NDST4: variants seen among roughly 807,000 people sequenced by gnomAD.
The protein encoded by NDST4 is N-deacetylase and N-sulfotransferase 4.
Under a neutral mutation model 100.8 loss-of-function variants are expected in NDST4, and 63 were observed. The ratio of observed to expected loss-of-function variants is 0.62; its 90% CI spans 0.51 to 0.77. NDST4 has a LOEUF of 0.77. Among genes scored for constraint, NDST4 ranks in the 30% least tolerant of loss-of-function variants. The pLI is 0.00. For missense variants in NDST4, 943 were observed against 1,018.4 expected (o/e 0.93, Z 1.01); for synonymous variants, 377 against 361.8 (o/e 1.04, Z -0.48).
At chr4:114,848,395 T>A in intron 8 of NDST4, 57 bp from the exon 9 acceptor site, 1 of 1,320,252 alleles carries the variant, frequency 7.6e-7, no homozygotes. Flanking sequence ...AAATATTATT[T>A]TAGCATATTT....
rs758653144 is a variant in NDST4, at chr4:115,076,655, A to G, written c.382T>C (p.Tyr128His). 1 of 1,613,854 alleles carries G rather than the reference A, an allele frequency of 6.2e-7. No homozygotes were observed. The highest frequency in any genetic ancestry group is 8.5e-7 in the Non-Finnish European group (1 of 1,179,906). The change falls in exon 2 of 14, where the codon TAT (tyrosine) becomes CAT (histidine). Residue 128 changes from tyrosine (Y) to histidine (H), a missense_variant. Physicochemically the swap from Tyr to His is moderately conservative, Grantham distance 83. Transcript: ENST00000264363. ...PPLTDNGKGK[Y>H]TLVIYENILK... Reference sequence around the variant, plus strand: ...ATATTTTCATAAATAACTAAAGTATATTTCCCTTTGCCATTATCTGTAAGA... The same window carrying G: ...ATATTTTCATAAATAACTAAAGTATGTTTCCCTTTGCCATTATCTGTAAGA...
chr4:115,054,571 A>G (rs1728653468), intron 2 of NDST4, among the ~76,000 whole-genome samples: 1 of 152,196 alleles, frequency 6.6e-6, no homozygotes, highest in African/African-American at 2.4e-5. Context: ...ATTTTAACAT[A>G]TATAAGACAA....
intron 6 of NDST4, among the ~76,000 whole-genome samples, chr4:114,871,544 C>T (rs11931706): frequency 0.27 from 40,612 of 151,754 alleles, 8,147 homozygotes; most frequent in African/African-American, 0.56. Flanking sequence ...TTGTGTATCA[C>T]AGACAAAGAA....
chr4:115,044,642 C>T (rs1021370501), intron 2 of NDST4, among the ~76,000 whole-genome samples: 1 of 149,712 alleles, frequency 6.7e-6, no homozygotes, highest in African/African-American at 2.5e-5. Flanking sequence ...AAATTCAAAA[C>T]CAAATATACC....
chr4:114,832,719 TAA>T (rs1560768938), intron 12 of NDST4, among the ~76,000 whole-genome samples: 1 of 152,166 alleles, frequency 6.6e-6, no homozygotes, highest in Non-Finnish European at 1.5e-5. Context: ...GAATGTAGCC[TAA>T]GTTATACTGT....
chr4:115,015,188 G>A lies in NDST4; in HGVS notation c.979-37914C>T, dbSNP rs540167198. ...CAGTTTTTGTGTGTAATTGATATGAGGACCATGGACATTTCTCTCCCAACC... is the reference window on the plus strand; with the variant it reads ...CAGTTTTTGTGTGTAATTGATATGAAGACCATGGACATTTCTCTCCCAACC... On this transcript the variant is annotated intron_variant, in intron 2 of 13. Transcript: ENST00000264363. Among the ~76,000 whole-genome samples, 108 of 152,112 alleles carry A rather than the reference G, an allele frequency of 7.1e-4. 1 individual carries two copies. The highest frequency in any genetic ancestry group is 5.8e-4 in the East Asian group (3 of 5,150).
At chr4:114,953,020 C>CTTTTTTTTTT (rs201567077) in intron 4 of NDST4, among the ~76,000 whole-genome samples, 4 of 135,934 alleles carry the variant, frequency 2.9e-5, no homozygotes, top group Non-Finnish European at 4.8e-5. Context: ...CATTTTTTTT[C>CTTTTTTTTTT]TTTTTTTTTT....
chr4:114,935,447 T>C, intron 5 of NDST4, 113 bp from the exon 6 acceptor site: 1 of 992,462 alleles, frequency 1.0e-6, no homozygotes, highest in Non-Finnish European at 1.4e-6. Flanking sequence ...TTTTCTTGGT[T>C]GCTAAGGCCA....
rs114377083 is a variant in NDST4, at chr4:114,832,845, C to T, written c.2396+761G>A. ...CCACAAGGTGAGAAAGCCAAGTCATCCAGGAGGCCTCATGGAGAGTCTTCA... is the reference window on the plus strand; with the variant it reads ...CCACAAGGTGAGAAAGCCAAGTCATTCAGGAGGCCTCATGGAGAGTCTTCA... On this transcript the variant is annotated intron_variant, in intron 12 of 13. Coordinates refer to ENST00000264363, the MANE Select transcript of NDST4 (RefSeq NM_022569.3). 5.8e-3 allele frequency among the ~76,000 whole-genome samples: 881 copies of T among 152,286 alleles called. 5 individuals carry two copies. Among genetic ancestry groups the T allele is most frequent in the Non-Finnish European group, 9.0e-3 (614 of 68,024 alleles).
At chr4:115,015,418 C>G (rs187777595) in intron 2 of NDST4, among the ~76,000 whole-genome samples, 2 of 152,022 alleles carry the variant, frequency 1.3e-5, no homozygotes, top group South Asian at 2.1e-4. Flanking sequence ...AACATTTCAT[C>G]TAGTTGTTCA....
intron 2 of NDST4, among the ~76,000 whole-genome samples, chr4:115,025,556 G>A (rs919303011): frequency 7.9e-5 from 12 of 152,210 alleles, no homozygotes; most frequent in Middle Eastern, 3.4e-3. Context: ...TTATTAGTAG[G>A]TTTCTAACTC....
chr4:115,040,755 C>A (rs1728331599), intron 2 of NDST4, among the ~76,000 whole-genome samples: 1 of 151,962 alleles, frequency 6.6e-6, no homozygotes, highest in South Asian at 2.1e-4. Flanking sequence ...ACATTTTGCT[C>A]TACTAATAGT....
At chr4:114,833,360 G>T (rs1723241114) in intron 12 of NDST4, among the ~76,000 whole-genome samples, 1 of 151,950 alleles carries the variant, frequency 6.6e-6, no homozygotes, top group African/African-American at 2.4e-5. Flanking sequence ...TAATCAAACT[G>T]ATAACAGGGA....
chr4:114,947,999 A>T (rs978348673), intron 4 of NDST4, among the ~76,000 whole-genome samples: 1 of 152,100 alleles, frequency 6.6e-6, no homozygotes, highest in African/African-American at 2.4e-5. Flanking sequence ...ATGATTATGA[A>T]CATATTTCCA....
intron 2 of NDST4, among the ~76,000 whole-genome samples, chr4:115,000,891 T>TCA (rs1204002010): frequency 1.3e-5 from 2 of 152,110 alleles, no homozygotes; most frequent in African/African-American, 4.8e-5. Context: ...ATGACATATT[T>TCA]GATGTCTAGT....
intron 2 of NDST4, 136 bp from the exon 3 acceptor site, chr4:114,977,410 G>C: frequency 2.0e-6 from 1 of 489,092 alleles, no homozygotes; most frequent in South Asian, 3.6e-5. Context: ...CTGTTATGTA[G>C]TATTCGTATT....
chr4:115,088,125 AG>A (rs1361061073), intron 1 of NDST4, among the ~76,000 whole-genome samples: 1 of 151,890 alleles, frequency 6.6e-6, no homozygotes, highest in Non-Finnish European at 1.5e-5. Context: ...TAACTTTCTA[AG>A]CCACATGGTC....
At chr4:115,109,811 G>A (rs186695259) in intron 1 of NDST4, among the ~76,000 whole-genome samples, 13 of 151,966 alleles carry the variant, frequency 8.6e-5, no homozygotes, top group Admixed American at 1.3e-4. Context: ...AGCCTGTCAT[G>A]TGTAGTTTAT....
At chr4:115,108,804 TTTCTC>T (rs1292538690) in intron 1 of NDST4, among the ~76,000 whole-genome samples, 1 of 152,020 alleles carries the variant, frequency 6.6e-6, no homozygotes, top group Non-Finnish European at 1.5e-5. Flanking sequence ...TAACCCACTC[TTTCTC>T]TTCATTTTCC....
Sources: allele counts gnomAD v4.1 joint callset (sites outside exome capture counted in the v4.1 genomes callset), GRCh38; gene constraint gnomAD v4.1.1; transcripts MANE v1.5; gene names NCBI Gene and HGNC (gene_info 2026-07-23, HGNC 2026-07-21).